The following REC114 variants were observed in gnomAD, a reference collection of about 807,000 sequenced individuals.
REC114 encodes the protein meiotic recombination protein REC114.
REC114 carries 27 observed loss-of-function variants against 31.3 expected under a neutral mutation model. The ratio of observed to expected loss-of-function variants is 0.86; its 90% CI spans 0.64 to 1.19. The LOEUF is 1.19. Ranked by LOEUF, REC114 falls within the 50% of genes most tolerant of loss-of-function variation. The pLI, the probability that REC114 is intolerant of heterozygous loss-of-function variation, is 0.00. For synonymous variants in REC114, 134 were observed against 127.7 expected, an observed-to-expected ratio of 1.05 and a Z score of -0.33; for missense variants, 344 against 326.9, an observed-to-expected ratio of 1.05 and a Z score of -0.40.
intron 2 of REC114, among the ~76,000 whole-genome samples, chr15:73,510,670 CAA>C (rs1188514525): frequency 6.8e-6 from 1 of 147,480 alleles, no homozygotes; most frequent in Non-Finnish European, 1.5e-5. Context: ...TGAATTTTGT[CAA>C]AGGCTTTTTC....
At chr15:73,489,500 C>G (rs1893416523) in intron 2 of REC114, among the ~76,000 whole-genome samples, 1 of 151,996 alleles carries the variant, frequency 6.6e-6, no homozygotes, top group South Asian at 2.1e-4. Context: ...GCCACCACGC[C>G]TGGCACCTGG....
intron 1 of REC114, among the ~76,000 whole-genome samples, chr15:73,451,827 A>G (rs1317957526): frequency 3.9e-5 from 6 of 152,232 alleles, no homozygotes; most frequent in East Asian, 1.9e-4. Flanking sequence ...GGCTGGTTCA[A>G]TGTACACAAA....
intron 4 of REC114, among the ~76,000 whole-genome samples, chr15:73,555,236 A>G (rs142046914): frequency 6.6e-6 from 1 of 152,040 alleles, no homozygotes; most frequent in African/African-American, 2.4e-5. Flanking sequence ...GCGCCCTCCA[A>G]AGAGTGCCCT....
At chr15:73,550,187 C>G (rs1321273017) in intron 3 of REC114, among the ~76,000 whole-genome samples, 2 of 152,150 alleles carry the variant, frequency 1.3e-5, no homozygotes, top group African/African-American at 4.8e-5. Context: ...AAAAGGGAAA[C>G]TATTCTAAAA....
intron 2 of REC114, among the ~76,000 whole-genome samples, chr15:73,477,618 A>G (rs550839442): frequency 6.6e-6 from 1 of 152,092 alleles, no homozygotes; most frequent in South Asian, 2.1e-4. Context: ...GGATCTCACT[A>G]TGTTGCCTAG....
chr15:73,551,268 T>C (rs886306117), intron 4 of REC114, 118 bp downstream of exon 4: 3 of 1,029,560 alleles, frequency 2.9e-6, no homozygotes, highest in Non-Finnish European at 2.8e-6. Context: ...AAAACATCTA[T>C]GTTCGGTGAC....
intron 2 of REC114, among the ~76,000 whole-genome samples, chr15:73,494,542 C>A (rs1274666885): frequency 1.3e-5 from 2 of 150,462 alleles, no homozygotes; most frequent in Admixed American, 1.3e-4. Flanking sequence ...AAGTCTAAAA[C>A]CCTTTAAATT....
At chr15:73,446,094 A>C (rs962178054) in intron 1 of REC114, among the ~76,000 whole-genome samples, 1 of 152,208 alleles carries the variant, frequency 6.6e-6, no homozygotes, top group Non-Finnish European at 1.5e-5. Context: ...AAGCTAATAC[A>C]TGTCAATCAC....
intron 2 of REC114, among the ~76,000 whole-genome samples, chr15:73,475,169 G>C (rs1893193791): frequency 6.6e-6 from 1 of 152,152 alleles, no homozygotes; most frequent in Non-Finnish European, 1.5e-5. Context: ...CCCATACTGT[G>C]TCTCTGCTCC....
chr15:73,546,075 G>A (rs1299728503), intron 3 of REC114, among the ~76,000 whole-genome samples: 2 of 151,928 alleles, frequency 1.3e-5, no homozygotes, highest in Non-Finnish European at 2.9e-5. Context: ...CCATCCAAGA[G>A]GAAAATGGCT....
At chr15:73,543,213 T>C (rs1894263514) in intron 3 of REC114, among the ~76,000 whole-genome samples, 1 of 152,234 alleles carries the variant, frequency 6.6e-6, no homozygotes, top group Non-Finnish European at 1.5e-5. Flanking sequence ...TTTTCTCTTC[T>C]TCAAACTACG....
intron 3 of REC114, among the ~76,000 whole-genome samples, chr15:73,543,871 T>C (rs1228297766): frequency 6.6e-6 from 1 of 151,938 alleles, no homozygotes; most frequent in Non-Finnish European, 1.5e-5. Flanking sequence ...GGTTATAGTA[T>C]CTTTGACGTC....
chr15:73,550,482 T>C (rs1042666481), intron 3 of REC114, among the ~76,000 whole-genome samples: 2 of 152,214 alleles, frequency 1.3e-5, no homozygotes, highest in Non-Finnish European at 2.9e-5. Flanking sequence ...TTCCCCAGTA[T>C]TGTTTAAGCT....
At chr15:73,558,472 C>T (rs187706608) in intron 5 of REC114, among the ~76,000 whole-genome samples, 3 of 152,260 alleles carry the variant, frequency 2.0e-5, no homozygotes, top group South Asian at 2.1e-4. Flanking sequence ...AATATTTAAA[C>T]GTTGACAACT....
chr15:73,555,478 TAG>T (rs1485482607), intron 4 of REC114, among the ~76,000 whole-genome samples: 1 of 152,182 alleles, frequency 6.6e-6, no homozygotes, highest in Non-Finnish European at 1.5e-5. Context: ...CTTATTACCA[TAG>T]ATTCTCTCCA....
chr15:73,516,967 G>C (rs1272706014), intron 2 of REC114, among the ~76,000 whole-genome samples: 1 of 152,146 alleles, frequency 6.6e-6, no homozygotes, highest in Non-Finnish European at 1.5e-5. Context: ...GGAGTATTTT[G>C]TAAAACACTC....
At position 73,446,180 on chromosome 15, in the gene REC114, A is replaced by G. The variant is rs192220190; in HGVS notation, c.159+2836A>G. ...TTTTGTTCTAGTGGTATGCTTTAAC[A>G]CCATGGGTTGCCAGTCATTCAGTTC... On this transcript the variant is annotated intron_variant, in intron 1 of 5. Coordinates refer to ENST00000331090, the MANE Select transcript of REC114 (RefSeq NM_001042367.2). 4.4e-3 allele frequency among the ~76,000 whole-genome samples: 670 copies of G among 152,304 alleles called. 1 individual carries two copies. Among genetic ancestry groups the G allele is most frequent in the Admixed American group, 7.8e-3 (120 of 15,294 alleles).
chr15:73,531,627 A>C (rs1894083467), intron 2 of REC114, among the ~76,000 whole-genome samples: 1 of 152,194 alleles, frequency 6.6e-6, no homozygotes, highest in African/African-American at 2.4e-5. Context: ...ACCATGTGCC[A>C]GAAATTGGCC....
chr15:73,493,011 T>A (rs907174893), intron 2 of REC114, among the ~76,000 whole-genome samples: 10 of 151,828 alleles, frequency 6.6e-5, no homozygotes, highest in South Asian at 2.1e-4. Context: ...TATTTTTTTT[T>A]ATTTTTATTT....
Sources: allele counts gnomAD v4.1 joint callset (sites outside exome capture counted in the v4.1 genomes callset), GRCh38; gene constraint gnomAD v4.1.1; transcripts MANE v1.5; gene names NCBI Gene and HGNC (gene_info 2026-07-23, HGNC 2026-07-21).